The following GPX7 variants were observed in gnomAD, a reference collection of about 807,000 sequenced individuals.
GPX7 encodes protein peroxidase GPX7.
Under a neutral mutation model 23.7 loss-of-function variants are expected in GPX7, and 21 were observed. The observed-to-expected ratio is 0.89, with a 90% confidence interval of 0.63 to 1.28. GPX7 has a LOEUF of 1.28. Among genes scored for constraint, GPX7 ranks in the 50% most tolerant of loss-of-function variants. GPX7 has a pLI of 0.00. For missense variants in GPX7, 238 were observed against 237.3 expected, an observed-to-expected ratio of 1.00 and a Z score of -0.02; for synonymous variants, 112 against 101.8, an observed-to-expected ratio of 1.10 and a Z score of -0.61.
Position 52,608,388 on chromosome 1 carries a change from TG to T in GPX7, c.528del (p.Arg177GlyfsTer6), listed in dbSNP as rs755387230. The T allele has an allele frequency of 6.2e-7, 1 of 1,613,634 alleles. No individual in the cohort carries two copies. Among genetic ancestry groups the T allele is most frequent in the Non-Finnish European group, 8.5e-7 (1 of 1,179,840 alleles). On this transcript the variant is annotated frameshift_variant, in exon 3 of 3. Transcript: ENST00000361314. LOFTEE classifies it high-confidence loss of function. ...GTCAGACCCCAGATCACAGCGCTCG[TG>T]AGGAAGCTCATCCTACTGAAGCGAG... ...EEVRPQITAL[V>X]RKLILLKRED...
rs139328765 is a variant in GPX7 at position 52,606,858 on chromosome 1, C to T, written c.313C>T (p.Arg105Cys). Reference sequence around the variant, plus strand: ...CAACAAGGAGATTGAGAGCTTTGCCCGCCGCACCTACAGTGTCTCATTCCC... The same window carrying T: ...CAACAAGGAGATTGAGAGCTTTGCCTGCCGCACCTACAGTGTCTCATTCCC... ...DSNKEIESFARRTYSVSFPMF... is the reference protein window; with the variant it reads ...DSNKEIESFACRTYSVSFPMF... Residue 105 changes from arginine (R) to cysteine (C), a missense_variant, in exon 2 of 3, where the codon CGC becomes TGC. Coordinates refer to ENST00000361314, the MANE Select transcript of GPX7 (RefSeq NM_015696.5). 4.8e-4 allele frequency: 772 copies of T among 1,614,064 alleles called. No homozygotes were observed. Among genetic ancestry groups the T allele is most frequent in the Non-Finnish European group, 6.4e-4 (751 of 1,180,026 alleles).
chr1:52,602,604 G>C, intron 1 of GPX7, 57 bp downstream of exon 1: 2 of 1,169,936 alleles, frequency 1.7e-6, no homozygotes, highest in Non-Finnish European at 2.3e-6. Context: ...GGCGGGGCCT[G>C]CTGGGGACGC....
At chr1:52,606,378 C>T (rs756326441) in intron 1 of GPX7, among the ~76,000 whole-genome samples, 6 of 152,080 alleles carry the variant, frequency 3.9e-5, no homozygotes, top group Non-Finnish European at 7.4e-5. Flanking sequence ...ATGTTTGTAT[C>T]GTGGTGCATG....
At chr1:52,606,976 C>T in intron 2 of GPX7, 31 bp downstream of exon 2, 1 of 1,604,006 alleles carries the variant, frequency 6.2e-7, no homozygotes, top group East Asian at 2.2e-5. Context: ...CCCCTCACAC[C>T]TCCCTTAGCT....
chr1:52,606,501 G>A (rs1048414149), intron 1 of GPX7, among the ~76,000 whole-genome samples, 183 bp from the exon 2 acceptor site: 11 of 152,212 alleles, frequency 7.2e-5, no homozygotes, highest in Admixed American at 6.6e-4. Context: ...CTGTGTGCAT[G>A]TGTTTGTGTA....
intron 1 of GPX7, among the ~76,000 whole-genome samples, chr1:52,603,396 A>C (rs1243764120): frequency 6.6e-6 from 1 of 152,208 alleles, no homozygotes; most frequent in African/African-American, 2.4e-5. Flanking sequence ...GTTGTGCTTC[A>C]AAGAGTCTAA....
Position 52,606,828 on chromosome 1 carries a change from G to T in GPX7, c.283G>T (p.Asp95Tyr). The T allele has an allele frequency of 6.2e-7, 1 of 1,614,214 alleles. No individual in the cohort carries two copies. The highest frequency in any genetic ancestry group is 1.1e-5 in the South Asian group (1 of 91,088). ...PCNQFGQQEP[D>Y]SNKEIESFAR... is the part of the protein sequence containing the mutation. ...CAACCAGTTTGGCCAACAGGAGCCT[G>T]ACAGCAACAAGGAGATTGAGAGCTT... The change falls in exon 2 of 3, where the codon GAC (aspartate) becomes TAC (tyrosine). Residue 95 changes from aspartate (D) to tyrosine (Y), a missense_variant. By Grantham distance (160) the Asp-to-Tyr change is radical. Coordinates refer to ENST00000361314, the MANE Select transcript of GPX7 (RefSeq NM_015696.5).
chr1:52,608,938 AGTT>A lies in GPX7; in HGVS notation c.*520_*522del, dbSNP rs1378258049. 6.5e-6 allele frequency: 1 copy of A among 152,752 alleles called. No individual in the cohort carries two copies. The highest frequency in any genetic ancestry group is 1.5e-5 in the Non-Finnish European group (1 of 68,102). The allele number at this position is 152,752 out of a possible 1,614,324, so 9.5% of individuals were successfully genotyped here. The stretch of plus-strand genomic sequence containing the variant: ...CGATGATAATCCAGGCCAAAGGTTT[AGTT>A]GTTGTTATTTCCTCTGTATTATTTT... On this transcript the variant is annotated 3_prime_UTR_variant, in exon 3 of 3. Transcript: ENST00000361314.
chr1:52,608,479 C>G lies in GPX7; in HGVS notation c.*54C>G. ...TCCCGCCCACCTGTGTGGGGCTGAC[C>G]AATGCAAACTCAAATGGTGCTTCAA... On this transcript the variant is annotated 3_prime_UTR_variant, in exon 3 of 3. Coordinates refer to ENST00000361314, the MANE Select transcript of GPX7 (RefSeq NM_015696.5). 2 of 1,466,226 alleles carry G rather than the reference C, an allele frequency of 1.4e-6. No individual in the cohort carries two copies. Among genetic ancestry groups the G allele is most frequent in the Non-Finnish European group, 9.2e-7 (1 of 1,089,372 alleles). 90.8% of individuals were successfully genotyped at this position (1,466,226 alleles called of 1,614,324 possible). A position where few individuals can be genotyped will look rare whatever the true frequency, so the allele number is the denominator to read the frequency against.
intron 2 of GPX7, 89 bp downstream of exon 2, chr1:52,607,034 G>A: frequency 6.9e-7 from 1 of 1,453,546 alleles, no homozygotes. Context: ...GGCTGGTTGG[G>A]TGACCTGGGG....
In GPX7 at chr1:52,608,461, C is replaced by T. The variant is rs766064695; in HGVS notation, c.*36C>T. 21 of 1,568,156 alleles carry T rather than the reference C, an allele frequency of 1.3e-5. No individual in the cohort carries two copies. Among genetic ancestry groups the T allele is most frequent in the Middle Eastern group, 1.7e-4 (1 of 5,742 alleles). ...TCCTCCTCCACCACCTCATCCCGCC[C>T]ACCTGTGTGGGGCTGACCAATGCAA... is the stretch of plus-strand genomic sequence containing the variant. On this transcript the variant is annotated 3_prime_UTR_variant, in exon 3 of 3. Coordinates refer to ENST00000361314, the MANE Select transcript of GPX7 (RefSeq NM_015696.5).
At position 52,608,455 on chromosome 1, in the gene GPX7, C is replaced by T. The variant is rs1444412435; in HGVS notation, c.*30C>T. 3.8e-6 allele frequency: 6 copies of T among 1,574,110 alleles called. No homozygotes were observed. The highest frequency in any genetic ancestry group is 5.2e-6 in the Non-Finnish European group (6 of 1,160,742). On this transcript the variant is annotated 3_prime_UTR_variant, in exon 3 of 3. Coordinates refer to ENST00000361314, the MANE Select transcript of GPX7 (RefSeq NM_015696.5). ...CGCGTCTCCTCCTCCACCACCTCAT[C>T]CCGCCCACCTGTGTGGGGCTGACCA...
chr1:52,604,292 A>G (rs924249135), intron 1 of GPX7, among the ~76,000 whole-genome samples: 2 of 152,208 alleles, frequency 1.3e-5, no homozygotes, highest in African/African-American at 2.4e-5. Context: ...GGAGTCCAGA[A>G]AAGCTGTAAT....
At chr1:52,606,015 G>T (rs1196791225) in intron 1 of GPX7, among the ~76,000 whole-genome samples, 1 of 152,134 alleles carries the variant, frequency 6.6e-6, no homozygotes, top group Non-Finnish European at 1.5e-5. Context: ...GGGACAAAAA[G>T]GTGATTGCCC....
At position 52,608,386 on chromosome 1, in the gene GPX7, C is replaced by G. The variant is rs368206387; in HGVS notation, c.525C>G (p.Leu175=). The G allele has an allele frequency of 1.9e-6, 3 of 1,613,456 alleles. No individual in the cohort carries two copies. The highest frequency in any genetic ancestry group is 2.7e-5 in the African/African-American group (2 of 74,858). Residue 175 remains leucine, a synonymous_variant, in exon 3 of 3, where the codon CTC becomes CTG. Coordinates refer to ENST00000361314, the MANE Select transcript of GPX7 (RefSeq NM_015696.5). ...AGGTCAGACCCCAGATCACAGCGCT[C>G]GTGAGGAAGCTCATCCTACTGAAGC... ...VEEVRPQITA[L]VRKLILLKRE...
chr1:52,606,586 TGAGG>T, intron 1 of GPX7, 94 bp from the exon 2 acceptor site: 1 of 1,350,994 alleles, frequency 7.4e-7, no homozygotes, highest in East Asian at 2.3e-5. Flanking sequence ...TATTAACTGT[TGAGG>T]GAGTCACATA....
chr1:52,604,631 G>T (rs1690835110), intron 1 of GPX7, among the ~76,000 whole-genome samples: 1 of 151,904 alleles, frequency 6.6e-6, no homozygotes, highest in African/African-American at 2.4e-5. Context: ...GTGTACTTGG[G>T]TGTGTCTGTC....
At chr1:52,604,397 A>T (rs1222935851) in intron 1 of GPX7, among the ~76,000 whole-genome samples, 1 of 152,216 alleles carries the variant, frequency 6.6e-6, no homozygotes, top group Non-Finnish European at 1.5e-5. Context: ...CATGTCTGAC[A>T]CTGGGTCCAG....
chr1:52,605,045 TAA>T (rs59749784), intron 1 of GPX7, among the ~76,000 whole-genome samples: 1,363 of 83,668 alleles, frequency 0.016, 23 homozygotes, highest in African/African-American at 0.048. Flanking sequence ...ACTCTGTCTT[TAA>T]AAAAAAAAAA....
Sources: gnomAD v4.1 joint callset for allele counts (sites outside exome capture counted in the v4.1 genomes callset) on GRCh38, gnomAD v4.1.1 for gene constraint, MANE v1.5 for transcripts, NCBI Gene and HGNC (gene_info 2026-07-23, HGNC 2026-07-21) for gene names.